The following RNF144A variants were observed in gnomAD, a reference collection of about 807,000 sequenced individuals.
RNF144A encodes ring finger protein 144A, also known as E3 ubiquitin-protein ligase RNF144A.
RNF144A carries 11 observed loss-of-function variants against 38.7 expected under a neutral mutation model. The ratio of observed to expected loss-of-function variants is 0.28; its 90% CI spans 0.18 to 0.47. The LOEUF (loss-of-function observed/expected upper bound fraction) is 0.47, where lower values mean the gene tolerates loss of function less well. RNF144A is among the 20% of genes least tolerant of loss of function. The pLI is 0.99. For missense variants in RNF144A, 316 were observed against 377.2 expected (o/e 0.84, Z 1.34); for synonymous variants, 149 against 143.9 (o/e 1.04, Z -0.25).
Position 7,042,228 on chromosome 2 carries a change from G to C in RNF144A, c.*2468G>C. The C allele has an allele frequency of 1.0e-6, 1 of 985,460 alleles. No homozygotes were observed. Among genetic ancestry groups the C allele is most frequent in the Non-Finnish European group, 1.2e-6 (1 of 829,940 alleles). The allele number at this position is 985,460 out of a possible 1,614,324, so 61.0% of individuals were successfully genotyped here. A position where few individuals can be genotyped will look rare whatever the true frequency, so the allele number is the denominator to read the frequency against. On this transcript the variant is annotated 3_prime_UTR_variant, in exon 9 of 9. Coordinates refer to ENST00000320892, the MANE Select transcript of RNF144A (RefSeq NM_014746.6). ...CAGACTTATCTTTGATGGGAATACA[G>C]TATGAACCCTGCTTGATGTAAAATG...
downstream of RNF144A, among the ~76,000 whole-genome samples, chr2:7,070,583 T>C (rs1309729606): frequency 1.3e-5 from 2 of 152,202 alleles, no homozygotes; most frequent in Non-Finnish European, 2.9e-5. Flanking sequence ...TTTGCAGATA[T>C]AATCAAGTTA....
In RNF144A at chr2:6,971,176, A is replaced by G. The variant is rs184436663; in HGVS notation, c.-11-25740A>G. Among the ~76,000 whole-genome samples, 10 of 152,224 alleles carry G rather than the reference A, an allele frequency of 6.6e-5. No individual in the cohort carries two copies. In the East Asian group the frequency reaches 1.4e-3, roughly 21 times the overall value. On this transcript the variant is annotated intron_variant, in intron 2 of 8. Coordinates refer to ENST00000320892, the MANE Select transcript of RNF144A (RefSeq NM_014746.6). ...TCTTTGGCCTTGTCCTTGTTGCAGG[A>G]GCTCCAGCTGGTTGGACAGTAACCT...
At chr2:6,949,516 C>T (rs1666545701) in intron 2 of RNF144A, among the ~76,000 whole-genome samples, 1 of 151,926 alleles carries the variant, frequency 6.6e-6, no homozygotes, top group Admixed American at 6.5e-5. Context: ...AAAGGACATC[C>T]TCTGTATTAA....
the RNF144A span, among the ~76,000 whole-genome samples, chr2:7,075,645 A>T: frequency 1.3e-5 from 2 of 152,202 alleles, no homozygotes; most frequent in African/African-American, 4.8e-5. Context: ...TTCTCACCAG[A>T]TGCAGCCACC....
At chr2:6,947,618 A>G (rs1382188693) in intron 2 of RNF144A, among the ~76,000 whole-genome samples, 2 of 152,186 alleles carry the variant, frequency 1.3e-5, no homozygotes, top group Non-Finnish European at 2.9e-5. Context: ...AAGTTACATC[A>G]TTTTCAGTGA....
intron 8 of RNF144A, among the ~76,000 whole-genome samples, chr2:7,031,771 C>A (rs1296458255): frequency 2.6e-5 from 4 of 152,262 alleles, no homozygotes; most frequent in Admixed American, 2.6e-4. Context: ...GCGTCCACAG[C>A]AGGCGATAAG....
chr2:7,030,057 T>C, intron 7 of RNF144A, 69 bp from the exon 8 acceptor site: 2 of 1,055,322 alleles, frequency 1.9e-6, no homozygotes, highest in Non-Finnish European at 3.0e-6. Flanking sequence ...AATGCATCAA[T>C]GGCTGTGATA....
intron 1 of RNF144A, among the ~76,000 whole-genome samples, chr2:6,925,378 A>G (rs935034107): frequency 6.6e-5 from 10 of 152,176 alleles, no homozygotes; most frequent in African/African-American, 2.4e-4. Flanking sequence ...GTGTATTAGG[A>G]AAAAGAAAAA....
chr2:7,050,009 A>G (rs1297133208), intron 6 of RNF144A, among the ~76,000 whole-genome samples: 2 of 152,234 alleles, frequency 1.3e-5, no homozygotes, highest in Non-Finnish European at 2.9e-5. Context: ...AATGCATTCG[A>G]TACCAAGTTT....
At chr2:6,956,041 T>C (rs1666975444) in intron 2 of RNF144A, among the ~76,000 whole-genome samples, 1 of 152,162 alleles carries the variant, frequency 6.6e-6, no homozygotes, top group African/African-American at 2.4e-5. Context: ...AAAGAGGCTA[T>C]AAAAATATTA....
chr2:6,997,642 T>A (rs943857646), intron 3 of RNF144A, among the ~76,000 whole-genome samples: 2 of 152,246 alleles, frequency 1.3e-5, no homozygotes, highest in African/African-American at 2.4e-5. Flanking sequence ...ATCCCAAATT[T>A]TATCTATCGG....
At chr2:6,991,243 A>T (rs1470110728) in intron 2 of RNF144A, among the ~76,000 whole-genome samples, 1 of 152,208 alleles carries the variant, frequency 6.6e-6, no homozygotes, top group Non-Finnish European at 1.5e-5. Context: ...AGTGGGCATC[A>T]TCTGCTTGGG....
chr2:6,933,387 C>G (rs1401096371), intron 1 of RNF144A, among the ~76,000 whole-genome samples: 4 of 152,120 alleles, frequency 2.6e-5, no homozygotes, highest in Admixed American at 2.6e-4. Context: ...AGAGCAGAGC[C>G]TACTCTAAGG....
chr2:6,918,694 G>A (rs1404989752), intron 1 of RNF144A: 1 of 146,662 alleles, frequency 6.8e-6, no homozygotes, highest in Non-Finnish European at 1.5e-5. Context: ...AACCCGGAAG[G>A]CGGAGCTTGC....
intron 1 of RNF144A, among the ~76,000 whole-genome samples, chr2:6,922,536 C>T (rs1664600758): frequency 6.6e-6 from 1 of 152,042 alleles, no homozygotes; most frequent in Non-Finnish European, 1.5e-5. Context: ...TGTTAAGGTC[C>T]TCTGGAGGGC....
intron 2 of RNF144A, among the ~76,000 whole-genome samples, chr2:6,969,522 A>G (rs936294747): frequency 8.5e-5 from 13 of 152,238 alleles, no homozygotes; most frequent in Non-Finnish European, 1.6e-4. Flanking sequence ...GAGAAAATAC[A>G]TTTCTGTTAT....
At chr2:6,946,627 A>G (rs1666361894) in intron 2 of RNF144A, among the ~76,000 whole-genome samples, 1 of 152,176 alleles carries the variant, frequency 6.6e-6, no homozygotes, top group Non-Finnish European at 1.5e-5. Context: ...CCGATTTGAC[A>G]GTGAGAACCT....
At chr2:6,936,794 AGCCTC>A (rs1665614391) in intron 1 of RNF144A, among the ~76,000 whole-genome samples, 1 of 151,658 alleles carries the variant, frequency 6.6e-6, no homozygotes, top group African/African-American at 2.4e-5. Flanking sequence ...GGAAATGAGA[AGCCTC>A]ATCCTATCCT....
chr2:7,011,526 C>A (rs1670801154), intron 3 of RNF144A, among the ~76,000 whole-genome samples: 1 of 152,188 alleles, frequency 6.6e-6, no homozygotes, highest in Non-Finnish European at 1.5e-5. Flanking sequence ...TCTCATCTGT[C>A]ATGTGAGCAT....
Sources: allele counts gnomAD v4.1 joint callset (sites outside exome capture counted in the v4.1 genomes callset), GRCh38; gene constraint gnomAD v4.1.1; transcripts MANE v1.5; gene names NCBI Gene and HGNC (gene_info 2026-07-23, HGNC 2026-07-21).